The following HLA-DQA1 variants were observed in gnomAD, a reference collection of about 807,000 sequenced individuals.
The protein encoded by HLA-DQA1 is major histocompatibility complex, class II, DQ alpha 1, also known as HLA class II histocompatibility antigen, DQ alpha 1 chain.
A neutral mutation model predicts 20.7 loss-of-function variants in HLA-DQA1; 10 were observed. The ratio of observed to expected loss-of-function variants is 0.48; its 90% CI spans 0.30 to 0.82. The LOEUF (loss-of-function observed/expected upper bound fraction) is 0.82, where lower values mean the gene tolerates loss of function less well. Ranked by LOEUF, HLA-DQA1 falls within the 40% of genes least tolerant of loss-of-function variation. HLA-DQA1 has a pLI of 0.07. For synonymous variants in HLA-DQA1, 39 were observed against 109.2 expected, an observed-to-expected ratio of 0.36 and a Z score of 4.01; for missense variants, 127 against 293.0, an observed-to-expected ratio of 0.43 and a Z score of 4.14.
At chr6:32,645,455 T>G (rs1437014169), downstream of HLA-DQA1, 3 of 145,306 alleles carry the variant, frequency 2.1e-5, no homozygotes, top group East Asian at 6.4e-4. Context: ...AAAAATAGGG[T>G]TCGCACTCCT....
At chr6:32,637,922 G>A (rs111541957) in intron 1 of HLA-DQA1, among the ~76,000 whole-genome samples, 16,580 of 106,202 alleles carry the variant, frequency 0.16, 3,821 homozygotes, top group Non-Finnish European at 0.17. Context: ...CTTTTCGGAT[G>A]TCTCCGGTGG....
At chr6:32,653,949 C>G in the HLA-DQA1 span, among the ~76,000 whole-genome samples, 1 of 86,460 alleles carries the variant, frequency 1.2e-5, no homozygotes, top group Non-Finnish European at 2.5e-5. Flanking sequence ...GTCAAAATCA[C>G]AGCAGGTGGG....
chr6:32,652,752 T>C, the HLA-DQA1 span, among the ~76,000 whole-genome samples: 77,516 of 140,150 alleles, frequency 0.55, 22,184 homozygotes, highest in Middle Eastern at 0.7. Context: ...ACTTTCATCT[T>C]CTAAGACGGA....
the HLA-DQA1 span, among the ~76,000 whole-genome samples, chr6:32,655,265 T>TTTTTAATTTGTTTTAA: frequency 1.6e-3 from 128 of 77,646 alleles, no homozygotes; most frequent in East Asian, 2.9e-3. Context: ...TTCTGTTTTT[T>TTTTTAATTTGTTTTAA]AAAATCACCT....
the HLA-DQA1 span, among the ~76,000 whole-genome samples, chr6:32,653,051 G>A: frequency 1.5e-4 from 23 of 148,728 alleles, 1 homozygote; most frequent in Non-Finnish European, 1.5e-5. Context: ...AGTAAAATCC[G>A]ATGAGGCAGG....
chr6:32,654,637 C>G, the HLA-DQA1 span, among the ~76,000 whole-genome samples: 2 of 96,884 alleles, frequency 2.1e-5, 1 homozygote, highest in Admixed American at 2.5e-4. Flanking sequence ...TGTTATTTTT[C>G]ATTTTTTTCT....
At chr6:32,650,943 T>G (rs28822369), downstream of HLA-DQA1, among the ~76,000 whole-genome samples, 36,460 of 77,428 alleles carry the variant, frequency 0.47, 14,997 homozygotes, top group South Asian at 0.74. Context: ...GCCCAGGCTG[T>G]AGTGCAGTGG....
downstream of HLA-DQA1, among the ~76,000 whole-genome samples, chr6:32,647,693 G>A (rs17612583): frequency 0.57 from 86,132 of 151,570 alleles, 24,697 homozygotes; most frequent in Middle Eastern, 0.7. Flanking sequence ...GAACCTCTCA[G>A]AAATGCAACT....
chr6:32,646,724 G>A (rs1336368823), downstream of HLA-DQA1: 2 of 107,956 alleles, frequency 1.9e-5, 1 homozygote, highest in Non-Finnish European at 4.0e-5. Flanking sequence ...GTCGATAGGT[G>A]TTAACAATTT....
intron 1 of HLA-DQA1, among the ~76,000 whole-genome samples, chr6:32,640,617 T>C (rs9272646): frequency 0.094 from 9,138 of 96,860 alleles, 852 homozygotes; most frequent in Middle Eastern, 0.2. Context: ...AGCTTCCACT[T>C]TTCATTTCAG....
At chr6:32,639,526 T>C (rs9272576) in intron 1 of HLA-DQA1, 19,411 of 92,458 alleles carry the variant, frequency 0.21, 7,169 homozygotes, top group Admixed American at 0.24. Flanking sequence ...TGTCATTCAA[T>C]ACACATGTTT....
Position 32,637,735 on chromosome 6 carries a change from T to C in HLA-DQA1, c.82+195T>C, listed in dbSNP as rs9272453. ...ACTCTTTTTGTTATCTATGCTGTTGTGTTCACTAAGGACGCTATTCTGTTT... is the reference window on the plus strand; with the variant it reads ...ACTCTTTTTGTTATCTATGCTGTTGCGTTCACTAAGGACGCTATTCTGTTT... On this transcript the variant is annotated intron_variant, in intron 1 of 4. Coordinates refer to ENST00000343139, the MANE Select transcript of HLA-DQA1 (RefSeq NM_002122.5). Among the ~76,000 whole-genome samples the C allele has an allele frequency of 1.3e-3, 127 of 96,512 alleles. 3 individuals carry two copies. Among genetic ancestry groups the C allele is most frequent in the Middle Eastern group, 6.9e-3 (1 of 144 alleles). The allele number at this position is 96,512 out of a possible 152,430, so 63.3% of individuals were successfully genotyped here.
chr6:32,639,012 G>C (rs752555544), intron 1 of HLA-DQA1: 3 of 319,114 alleles, frequency 9.4e-6, no homozygotes, highest in African/African-American at 5.7e-5. Context: ...GAACTGGAAG[G>C]TACTTTAAAC....
At chr6:32,644,502 T>G (rs9273073), downstream of HLA-DQA1, 1 of 151,596 alleles carries the variant, frequency 6.6e-6, no homozygotes, top group East Asian at 1.9e-4. Context: ...CCTTGCAGAG[T>G]TATTGATAAA....
chr6:32,647,834 A>T (rs17612610), downstream of HLA-DQA1, among the ~76,000 whole-genome samples: 85,377 of 150,624 alleles, frequency 0.57, 24,447 homozygotes, highest in Middle Eastern at 0.7. Flanking sequence ...AAAAATGGTC[A>T]TGGAGTACCA....
At chr6:32,637,875 A>G (rs1415911887) in intron 1 of HLA-DQA1, among the ~76,000 whole-genome samples, 2 of 117,084 alleles carry the variant, frequency 1.7e-5, no homozygotes, top group East Asian at 5.0e-4. Flanking sequence ...AAATTTATGA[A>G]GTGTCATTCT....
chr6:32,640,913 A>G (rs1781344759), intron 1 of HLA-DQA1, among the ~76,000 whole-genome samples: 1 of 110,844 alleles, frequency 9.0e-6, no homozygotes, highest in Admixed American at 1.0e-4. Flanking sequence ...CAATGAAAGA[A>G]TTAAGTGAAA....
chr6:32,642,173 C>T lies in HLA-DQA1; in HGVS notation c.533C>T (p.Thr178Ile), dbSNP rs1220975699. 2.8e-6 allele frequency: 4 copies of T among 1,435,366 alleles called. 1 individual carries two copies. The highest frequency in any genetic ancestry group is 1.9e-5 in the Admixed American group (1 of 52,236). The allele number at this position is 1,435,366 out of a possible 1,614,324, so 88.9% of individuals were successfully genotyped here. Residue 178 changes from threonine (T) to isoleucine (I), a missense_variant, in exon 3 of 5, where the codon ACC (threonine) becomes ATC (isoleucine). Thr to Ile is a moderately conservative substitution (Grantham distance 89). Transcript: ENST00000343139. ...TCCTTCTTCAAGATCAGTTACCTCA[C>T]CTTCCTCCCTTCTGCTGATGAGATT... Reference protein sequence around the residue: ...DHSFFKISYLTFLPSADEIYD... With the variant: ...DHSFFKISYLIFLPSADEIYD...
the HLA-DQA1 span, among the ~76,000 whole-genome samples, chr6:32,652,600 G>A: frequency 2.0e-5 from 3 of 151,000 alleles, no homozygotes; most frequent in Non-Finnish European, 4.4e-5. Context: ...ATTAAGCTAC[G>A]AGCAAAGCCC....
Sources: gnomAD v4.1 joint callset for allele counts (sites outside exome capture counted in the v4.1 genomes callset) on GRCh38, gnomAD v4.1.1 for gene constraint, MANE v1.5 for transcripts, NCBI Gene and HGNC (gene_info 2026-07-23, HGNC 2026-07-21) for gene names.